C8orf89: variants seen among roughly 807,000 people sequenced by gnomAD.
C8orf89 encodes the protein putative uncharacterized protein C8orf89.
A neutral mutation model predicts 15.8 loss-of-function variants in C8orf89; 14 were observed. The observed-to-expected ratio is 0.89, with a 90% CI of 0.59 to 1.39. The LOEUF is 1.39. Among genes scored for constraint, C8orf89 ranks in the 40% most tolerant of loss-of-function variants. C8orf89 has a pLI of 0.00. For missense variants in C8orf89, 181 were observed against 184.5 expected (o/e 0.98, Z 0.11); for synonymous variants, 55 against 62.2 (o/e 0.88, Z 0.54).
At chr8:73,249,895 A>G (rs575619303) in intron 3 of C8orf89, among the ~76,000 whole-genome samples, 1 of 152,298 alleles carries the variant, frequency 6.6e-6, no homozygotes, top group Admixed American at 6.5e-5. Context: ...AAGAGTTTAT[A>G]CTCAGTCTGT....
chr8:73,264,962 A>G, the C8orf89 span, among the ~76,000 whole-genome samples: 4 of 152,340 alleles, frequency 2.6e-5, no homozygotes, highest in South Asian at 8.3e-4. Flanking sequence ...TATCACAGCT[A>G]TGGTATCCAA....
the C8orf89 span, among the ~76,000 whole-genome samples, chr8:73,268,821 T>C: frequency 6.6e-6 from 1 of 152,214 alleles, no homozygotes; most frequent in African/African-American, 2.4e-5. Context: ...TTGCAATGAA[T>C]GGCTGGTACA....
In C8orf89 at chr8:73,241,530, T is replaced by C. The variant is rs975541184; in HGVS notation, c.413A>G (p.Glu138Gly). 7 of 1,534,212 alleles carry C rather than the reference T, an allele frequency of 4.6e-6. No individual in the cohort carries two copies. In the Admixed American group the frequency reaches 1.2e-4, roughly 26 times the overall value. The change falls in exon 4 of 4, where the codon GAA becomes GGA. Residue 138 changes from glutamate to glycine, a missense_variant. Transcript: ENST00000624510. ...LERLSKIAILEYDTIRQETTT... is the reference protein window; with the variant it reads ...LERLSKIAILGYDTIRQETTT... ...TGTTTCCTGACGAATGGTATCATAT[T>C]CCAATATGGCTATTTTGGAAAGTCT...
intron 1 of C8orf89, among the ~76,000 whole-genome samples, chr8:73,257,414 T>C (rs1234121695): frequency 2.0e-5 from 3 of 152,172 alleles, no homozygotes; most frequent in African/African-American, 7.2e-5. Context: ...TTTATACAGT[T>C]AGAATTCCCA....
chr8:73,267,747 T>C, the C8orf89 span, among the ~76,000 whole-genome samples: 1 of 152,222 alleles, frequency 6.6e-6, no homozygotes, highest in African/African-American at 2.4e-5. Context: ...CAGTATTTTG[T>C]AGATGTAGTT....
intron 3 of C8orf89, among the ~76,000 whole-genome samples, chr8:73,248,697 T>C (rs1813181849): frequency 6.6e-6 from 1 of 152,162 alleles, no homozygotes; most frequent in South Asian, 2.1e-4. Flanking sequence ...ATTCTTTTTG[T>C]GCCAATTGTA....
At chr8:73,277,945 T>C in the C8orf89 span, 18 of 661,496 alleles carry the variant, frequency 2.7e-5, no homozygotes, top group South Asian at 2.5e-4. Flanking sequence ...GAAACATGTC[T>C]GTGTTGGCCA....
intron 1 of C8orf89, among the ~76,000 whole-genome samples, chr8:73,257,580 G>A (rs996420139): frequency 6.6e-6 from 1 of 152,128 alleles, no homozygotes; most frequent in Non-Finnish European, 1.5e-5. Context: ...AATTATACTT[G>A]AGGCACTGAT....
chr8:73,255,710 A>G (rs1457742795), intron 2 of C8orf89, among the ~76,000 whole-genome samples: 1 of 150,776 alleles, frequency 6.6e-6, no homozygotes, highest in Non-Finnish European at 1.5e-5. Flanking sequence ...GAACCAACCC[A>G]AATGTCCAAC....
chr8:73,249,362 G>GAT (rs1448542735), intron 3 of C8orf89, among the ~76,000 whole-genome samples: 1 of 152,122 alleles, frequency 6.6e-6, no homozygotes, highest in East Asian at 1.9e-4. Flanking sequence ...GTTCATCAGG[G>GAT]ATATTGACCT....
the C8orf89 span, among the ~76,000 whole-genome samples, chr8:73,269,157 A>G: frequency 6.6e-6 from 1 of 152,348 alleles, no homozygotes; most frequent in African/African-American, 2.4e-5. Flanking sequence ...AAACTTTAGC[A>G]ATCCCTGCTA....
intron 2 of C8orf89, among the ~76,000 whole-genome samples, chr8:73,256,091 C>G (rs1355119500): frequency 1.3e-5 from 2 of 149,832 alleles, no homozygotes; most frequent in Non-Finnish European, 3.0e-5. Flanking sequence ...CACATGTACC[C>G]TAAAACTTAA....
the C8orf89 span, among the ~76,000 whole-genome samples, chr8:73,272,727 A>C: frequency 2.6e-5 from 4 of 152,014 alleles, no homozygotes; most frequent in Non-Finnish European, 5.9e-5. Flanking sequence ...TCCTTGCGAT[A>C]GTTTGCTGAG....
the C8orf89 span, among the ~76,000 whole-genome samples, chr8:73,278,751 C>A: frequency 5.3e-5 from 8 of 152,112 alleles, no homozygotes; most frequent in African/African-American, 1.9e-4. Context: ...CCTTATAAAT[C>A]CATGCTATTA....
At chr8:73,256,380 C>T (rs1279964935) in intron 2 of C8orf89, among the ~76,000 whole-genome samples, 1 of 151,682 alleles carries the variant, frequency 6.6e-6, no homozygotes, top group Non-Finnish European at 1.5e-5. Context: ...GCTAAAAATT[C>T]CAATGCTCTC....
the C8orf89 span, among the ~76,000 whole-genome samples, chr8:73,273,619 G>A: frequency 6.6e-6 from 1 of 152,174 alleles, no homozygotes; most frequent in Non-Finnish European, 1.5e-5. Flanking sequence ...GATGGCGGCA[G>A]GAGTCAGGCT....
intron 2 of C8orf89, among the ~76,000 whole-genome samples, chr8:73,251,079 A>G (rs1236101429): frequency 1.3e-5 from 2 of 152,152 alleles, no homozygotes; most frequent in African/African-American, 2.4e-5. Context: ...GTTTCCAAGC[A>G]TGAGCCACTG....
At chr8:73,258,522 T>C (rs536958070) in intron 1 of C8orf89, among the ~76,000 whole-genome samples, 1 of 151,824 alleles carries the variant, frequency 6.6e-6, no homozygotes, top group South Asian at 2.1e-4. Context: ...TAACTATTAA[T>C]ATACTCATCT....
chr8:73,266,991 G>A, the C8orf89 span, among the ~76,000 whole-genome samples: 2 of 152,156 alleles, frequency 1.3e-5, no homozygotes, highest in Admixed American at 1.3e-4. Flanking sequence ...CCGATTTAAT[G>A]AGGTGCCAAC....
Sources: allele counts gnomAD v4.1 joint callset (sites outside exome capture counted in the v4.1 genomes callset), GRCh38; gene constraint gnomAD v4.1.1; transcripts MANE v1.5; gene names NCBI Gene and HGNC (gene_info 2026-07-23, HGNC 2026-07-21).